CFAP47: variants seen among roughly 807,000 people sequenced by gnomAD.
CFAP47 encodes cilia- and flagella-associated protein 47.
In CFAP47, 29 loss-of-function variants were observed where a neutral mutation model predicts 148.1. The ratio of observed to expected loss-of-function variants is 0.20; its 90% CI spans 0.15 to 0.27. The LOEUF (loss-of-function observed/expected upper bound fraction) is 0.27, where lower values mean the gene tolerates loss of function less well. Ranked by LOEUF, CFAP47 falls within the 10% of genes least tolerant of loss-of-function variation. The probability of loss-of-function intolerance (pLI) is 1.00; values close to 1 mark genes in which losing one functional copy is unlikely to be tolerated. For synonymous variants in CFAP47, 664 were observed against 577.3 expected (o/e 1.15, Z -2.15); for missense variants, 1,872 against 1,697.5 (o/e 1.10, Z -1.81).
At chrX:35,969,373 T>G (rs1034596501) in intron 10 of CFAP47, among the ~76,000 whole-genome samples, 3 of 111,924 alleles carry the variant, frequency 2.7e-5, no homozygotes, top group Non-Finnish European at 5.7e-5. Context: ...TTTGCTGCAG[T>G]ATGCCTTGTG....
chrX:36,257,161 A>T (rs1379531331), intron 49 of CFAP47, among the ~76,000 whole-genome samples: 2 of 112,115 alleles, frequency 1.8e-5, no homozygotes, highest in Non-Finnish European at 3.8e-5. Flanking sequence ...TCTTACAGTC[A>T]TCAATGATGT....
chrX:36,296,233 A>G (rs1263527438), intron 51 of CFAP47, among the ~76,000 whole-genome samples: 1 of 112,337 alleles, frequency 8.9e-6, no homozygotes, highest in African/African-American at 3.2e-5. Context: ...GTAGAATATT[A>G]TGACACTTTT....
At chrX:36,305,751 G>A (rs182042319) in intron 54 of CFAP47, among the ~76,000 whole-genome samples, 1 of 111,382 alleles carries the variant, frequency 9.0e-6, no homozygotes, top group African/African-American at 3.2e-5. Flanking sequence ...TATATAAAAT[G>A]CAATTTTACT....
chrX:36,114,877 G>T (rs1256660206), intron 33 of CFAP47, among the ~76,000 whole-genome samples: 1 of 112,138 alleles, frequency 8.9e-6, no homozygotes, highest in African/African-American at 3.2e-5. Flanking sequence ...CATATCAGCT[G>T]CATTAGGGTG....
intron 57 of CFAP47, among the ~76,000 whole-genome samples, chrX:36,327,675 C>A (rs1556013327): frequency 9.0e-6 from 1 of 111,661 alleles, no homozygotes; most frequent in Admixed American, 9.5e-5. Context: ...TGCATATGTT[C>A]ATCATAACAT....
intron 9 of CFAP47, 129 bp from the exon 10 acceptor site, chrX:35,967,490 C>T (rs1936423767): frequency 3.2e-5 from 12 of 374,893 alleles, no homozygotes; most frequent in South Asian, 8.8e-5. Context: ...TTGTATTTTC[C>T]AAATGTGTTT....
chrX:36,310,100 C>A (rs952509082), intron 55 of CFAP47, among the ~76,000 whole-genome samples: 1 of 101,626 alleles, frequency 9.8e-6, no homozygotes, highest in Middle Eastern at 5.2e-3. Context: ...GTTTGTGATC[C>A]CTTTATTCAT....
At chrX:36,368,127 A>C (rs956883494) in intron 62 of CFAP47, 2 of 111,668 alleles carry the variant, frequency 1.8e-5, no homozygotes, top group Non-Finnish European at 3.8e-5. Flanking sequence ...ATAATTAATA[A>C]TTAGGCTTGG....
Position 36,214,821 on chromosome X carries a change from A to G in CFAP47, c.6817+9711A>G, listed in dbSNP as rs782199497. 4.5e-5 allele frequency among the ~76,000 whole-genome samples: 5 copies of G among 110,849 alleles called. No individual in the cohort carries two copies. The Admixed American group carries it at 4.8e-4, about 11-fold the overall frequency. On this transcript the variant is annotated intron_variant, in intron 45 of 63. Transcript: ENST00000378653. ...ATCTCCTATAATAACTATAATAACA[A>G]TATTTTATTTTGGAATACCTCCTGA...
chrX:36,125,400 T>C (rs1356370712), intron 33 of CFAP47, among the ~76,000 whole-genome samples: 1 of 111,229 alleles, frequency 9.0e-6, no homozygotes, highest in Non-Finnish European at 1.9e-5. Flanking sequence ...TGGAAATGTT[T>C]ATCACTCACA....
At chrX:35,978,615 T>A (rs1601913136) in intron 15 of CFAP47, among the ~76,000 whole-genome samples, 1 of 111,995 alleles carries the variant, frequency 8.9e-6, no homozygotes, top group African/African-American at 3.2e-5. Context: ...AAAAATATAA[T>A]CCTCAAATCT....
At position 36,044,132 on chromosome X, in the gene CFAP47, C is replaced by T. The variant is rs1434448649; in HGVS notation, c.4008-2722C>T. Among the ~76,000 whole-genome samples the T allele has an allele frequency of 2.6e-5, 3 of 113,441 alleles. No homozygotes were observed. In the East Asian group the frequency reaches 8.4e-4, roughly 32 times the overall value. Reference sequence around the variant, plus strand: ...GGACACAGGGTACCAAGCCCTGAAGCTTCACAGAGCAGCAGGGCTCTGGGC... The same window carrying T: ...GGACACAGGGTACCAAGCCCTGAAGTTTCACAGAGCAGCAGGGCTCTGGGC... On this transcript the variant is annotated intron_variant, in intron 25 of 63. Transcript: ENST00000378653.
In CFAP47 at chrX:36,071,926, A is replaced by G; in HGVS notation, c.4420A>G (p.Ser1474Gly). The part of the protein sequence containing the change: ...PASIKKTYTT[S>G]KFNDAEPAKG... The stretch of plus-strand genomic sequence containing the variant: ...TTCAATTAAAAAGACATACACCACT[A>G]GCAAATTCAATGATGCTGAACCTGC... The change falls in exon 28 of 64, where the codon AGC (serine) becomes GGC (glycine). Residue 1474 changes from serine (S) to glycine (G), a missense_variant. Transcript: ENST00000378653. 1 of 1,209,051 alleles carries G rather than the reference A, an allele frequency of 8.3e-7. No individual in the cohort carries two copies.
intron 59 of CFAP47, among the ~76,000 whole-genome samples, chrX:36,350,518 T>C (rs1556017328): frequency 9.0e-6 from 1 of 110,738 alleles, no homozygotes; most frequent in Admixed American, 9.7e-5. Context: ...GCTGTGGAGA[T>C]GTGGATCCCT....
chrX:36,058,484 G>A (rs958652554), intron 26 of CFAP47, among the ~76,000 whole-genome samples: 2 of 111,474 alleles, frequency 1.8e-5, no homozygotes, highest in African/African-American at 6.5e-5. Flanking sequence ...TTACCATTCC[G>A]AGTCTGTTAC....
chrX:36,256,461 G>A (rs1270659266), intron 49 of CFAP47, among the ~76,000 whole-genome samples: 2 of 111,551 alleles, frequency 1.8e-5, no homozygotes, highest in African/African-American at 3.3e-5. Flanking sequence ...TGTATCATTT[G>A]GTATACCTTA....
At chrX:36,099,671 C>A in intron 31 of CFAP47, 80 bp from the exon 32 acceptor site, 1 of 455,758 alleles carries the variant, frequency 2.2e-6, no homozygotes, top group Admixed American at 3.4e-5. Context: ...AAAAGGCATC[C>A]ACATGTTTTG....
intron 45 of CFAP47, among the ~76,000 whole-genome samples, chrX:36,223,650 A>G (rs897733285): frequency 2.7e-5 from 3 of 111,269 alleles, no homozygotes; most frequent in African/African-American, 9.8e-5. Context: ...ATCAAATTAT[A>G]TTCTATGAAG....
intron 26 of CFAP47, among the ~76,000 whole-genome samples, chrX:36,056,162 G>T (rs1937553137): frequency 1.8e-5 from 2 of 111,637 alleles, no homozygotes; most frequent in African/African-American, 6.5e-5. Context: ...CAAAATAAAA[G>T]TATCATCTAC....
Sources: allele counts gnomAD v4.1 joint callset (sites outside exome capture counted in the v4.1 genomes callset), GRCh38; gene constraint gnomAD v4.1.1; transcripts MANE v1.5; gene names NCBI Gene and HGNC (gene_info 2026-07-23, HGNC 2026-07-21).